ADGRA3: variants seen among roughly 807,000 people sequenced by gnomAD.
ADGRA3 encodes the protein G-protein coupled receptor 125.
ADGRA3 carries 56 observed loss-of-function variants against 119.8 expected under a neutral mutation model. The ratio of observed to expected loss-of-function variants is 0.47; its 90% confidence interval spans 0.38 to 0.58. ADGRA3 has a LOEUF of 0.58. Ranked by LOEUF, ADGRA3 falls within the 20% of genes least tolerant of loss-of-function variation. ADGRA3 has a pLI of 0.00. For missense variants in ADGRA3, 1,516 were observed against 1,649.0 expected (o/e 0.92, Z 1.40); for synonymous variants, 607 against 623.8 (o/e 0.97, Z 0.40).
chr4:22,435,360 T>A lies in ADGRA3; in HGVS notation c.1394A>T (p.Glu465Val). ...SDKMDVIFVA[E>V]MIEKFGRFTK... ...AAATCTTCCAAATTTTTCAATCATT[T>A]CTGCCACAAATATAACATCCATTTT... The change falls in exon 10 of 19, where the codon GAA becomes GTA. Residue 465 changes from glutamate to valine, a missense_variant. Physicochemically the swap from Glu to Val is moderately radical, Grantham distance 121. Transcript: ENST00000334304. 1 of 1,613,666 alleles carries A rather than the reference T, an allele frequency of 6.2e-7. No individual in the cohort carries two copies. The highest frequency in any genetic ancestry group is 8.5e-7 in the Non-Finnish European group (1 of 1,179,646).
Position 22,435,297 on chromosome 4 carries a change from A to G in ADGRA3, c.1443+14T>C. 2 of 1,606,476 alleles carry G rather than the reference A, an allele frequency of 1.2e-6. No homozygotes were observed. The highest frequency in any genetic ancestry group is 8.5e-7 in the Non-Finnish European group (1 of 1,173,704). Reference sequence around the variant, plus strand: ...TTGACACTGTATGCTACAAATCTGAATTTAGAGAAGTACCTCTTTTGATTT... The same window carrying G: ...TTGACACTGTATGCTACAAATCTGAGTTTAGAGAAGTACCTCTTTTGATTT... On this transcript the variant is annotated intron_variant, in intron 10 of 18. Transcript: ENST00000334304.
At chr4:22,408,412 T>G (rs868356708) in intron 14 of ADGRA3, among the ~76,000 whole-genome samples, 1 of 152,212 alleles carries the variant, frequency 6.6e-6, no homozygotes, top group Middle Eastern at 3.4e-3. Flanking sequence ...GGAGCTCATA[T>G]TCAGTACCCA....
intron 1 of ADGRA3, among the ~76,000 whole-genome samples, chr4:22,485,140 G>A (rs1718393708): frequency 6.6e-6 from 1 of 152,064 alleles, no homozygotes; most frequent in Non-Finnish European, 1.5e-5. Flanking sequence ...GGCGTGAAGT[G>A]GTGCCATCTC....
chr4:22,511,899 T>TC (rs1177602053), intron 1 of ADGRA3, among the ~76,000 whole-genome samples: 2 of 136,410 alleles, frequency 1.5e-5, no homozygotes, highest in African/African-American at 5.5e-5. Flanking sequence ...TTCTTTCTTT[T>TC]TTTTTTTTTT....
At chr4:22,439,799 AG>A (rs1223462948) in intron 7 of ADGRA3, among the ~76,000 whole-genome samples, 1 of 152,204 alleles carries the variant, frequency 6.6e-6, no homozygotes, top group East Asian at 1.9e-4. Flanking sequence ...TCCTTAATCC[AG>A]AAGTTCCCAA....
Position 22,388,137 on chromosome 4 carries a change from T to A in ADGRA3, c.3534A>T (p.Gly1178=), listed in dbSNP as rs1310533198. ...SSRHHKNRSK[G]HRASRLTVLR... is the part of the protein sequence containing the mutation. ...GGACTGTGAGTCGGCTTGCCCGGTG[T>A]CCTTTACTTCTGTTTTTATGGTGGC... Residue 1178 remains glycine, a synonymous_variant, in exon 19 of 19, where the codon GGA becomes GGT. Coordinates refer to ENST00000334304, the MANE Select transcript of ADGRA3 (RefSeq NM_145290.4). 4 of 1,614,100 alleles carry A rather than the reference T, an allele frequency of 2.5e-6. No homozygotes were observed. The highest frequency in any genetic ancestry group is 2.5e-6 in the Non-Finnish European group (3 of 1,180,000).
At chr4:22,431,638 T>C (rs1183403281) in intron 10 of ADGRA3, among the ~76,000 whole-genome samples, 5 of 152,204 alleles carry the variant, frequency 3.3e-5, no homozygotes, top group Non-Finnish European at 5.9e-5. Flanking sequence ...GCTCCTCCTT[T>C]GCCTTCTGCC....
At chr4:22,431,131 C>A (rs1267113840) in intron 10 of ADGRA3, among the ~76,000 whole-genome samples, 1 of 152,116 alleles carries the variant, frequency 6.6e-6, no homozygotes, top group Non-Finnish European at 1.5e-5. Context: ...TAGGGGAGTG[C>A]AGAAGGGAAA....
chr4:22,405,999 C>CATTTCCACTCTGGT (rs778634785), intron 14 of ADGRA3, among the ~76,000 whole-genome samples: 102 of 152,216 alleles, frequency 6.7e-4, no homozygotes, highest in Non-Finnish European at 1.1e-3. Flanking sequence ...TGGTATTTTC[C>CATTTCCACTCTGGT]ATTCTCCTTT....
At chr4:22,421,566 C>T (rs1288052800) in intron 11 of ADGRA3, among the ~76,000 whole-genome samples, 1 of 152,140 alleles carries the variant, frequency 6.6e-6, no homozygotes, top group Non-Finnish European at 1.5e-5. Flanking sequence ...ATCATTAACT[C>T]TTTGCATTAA....
chr4:22,449,203 G>T (rs1025505247), intron 4 of ADGRA3, among the ~76,000 whole-genome samples: 16 of 151,906 alleles, frequency 1.1e-4, no homozygotes, highest in African/African-American at 3.9e-4. Context: ...CCGGAAGGCA[G>T]AGGCTGCAGT....
In ADGRA3 at chr4:22,511,895, C is replaced by CTTTTTTTTT. The variant is rs5856700; in HGVS notation, c.257+3624_257+3632dup. On this transcript the variant is annotated intron_variant, in intron 1 of 18. Coordinates refer to ENST00000334304, the MANE Select transcript of ADGRA3 (RefSeq NM_145290.4). ...TTCACAGTTATATTTTTCTTTCTTTCTTTTTTTTTTTTTTTTTTTGAGACA... is the reference window on the plus strand; with the variant it reads ...TTCACAGTTATATTTTTCTTTCTTTCTTTTTTTTTTTTTTTTTTTTTTTTTTTTGAGACA... 1.3e-3 allele frequency among the ~76,000 whole-genome samples: 138 copies of CTTTTTTTTT among 102,612 alleles called. 1 individual carries two copies. Among genetic ancestry groups the CTTTTTTTTT allele is most frequent in the Middle Eastern group, 7.9e-3 (1 of 126 alleles). The allele number at this position is 102,612 out of a possible 152,430, so 67.3% of individuals were successfully genotyped here.
chr4:22,442,640 A>AG lies in ADGRA3; in HGVS notation c.920+9_920+10insC. 6.3e-7 allele frequency: 1 copy of AG among 1,599,206 alleles called. No homozygotes were observed. ...ACAATTCTTCATTCAAAAAAAAAAAAAAAGTTTACCTTGCAATCAAGGAGC... is the reference window on the plus strand; with the variant it reads ...ACAATTCTTCATTCAAAAAAAAAAAAGAAAGTTTACCTTGCAATCAAGGAGC... On this transcript the variant is annotated intron_variant, in intron 7 of 18. Transcript: ENST00000334304.
At chr4:22,402,823 T>C (rs762473991) in intron 14 of ADGRA3, 24 bp from the exon 15 acceptor site, 3 of 1,600,650 alleles carry the variant, frequency 1.9e-6, no homozygotes, top group Non-Finnish European at 2.6e-6. Flanking sequence ...GAAAGATCCA[T>C]TCTAGCAGTA....
At chr4:22,427,415 C>T (rs922562901) in intron 10 of ADGRA3, among the ~76,000 whole-genome samples, 1 of 151,722 alleles carries the variant, frequency 6.6e-6, no homozygotes, top group African/African-American at 2.4e-5. Flanking sequence ...ACTGCTATGC[C>T]CTGCTAGATA....
chr4:22,467,408 C>T (rs141662574), intron 2 of ADGRA3, among the ~76,000 whole-genome samples: 1 of 152,162 alleles, frequency 6.6e-6, no homozygotes, highest in South Asian at 2.1e-4. Context: ...AAAAATTCAA[C>T]CTGTATGTTT....
At chr4:22,443,528 A>C (rs1716708623) in intron 6 of ADGRA3, among the ~76,000 whole-genome samples, 1 of 152,180 alleles carries the variant, frequency 6.6e-6, no homozygotes, top group Non-Finnish European at 1.5e-5. Context: ...AAAATATGCA[A>C]AAATGCATAC....
intron 1 of ADGRA3, among the ~76,000 whole-genome samples, chr4:22,504,062 G>A (rs1371231346): frequency 1.3e-5 from 2 of 151,992 alleles, no homozygotes; most frequent in Non-Finnish European, 2.9e-5. Context: ...ATTCTAAATA[G>A]AATGAAGCCT....
At chr4:22,403,422 G>A (rs549375583) in intron 14 of ADGRA3, among the ~76,000 whole-genome samples, 117 of 152,046 alleles carry the variant, frequency 7.7e-4, no homozygotes, top group African/African-American at 2.7e-3. Flanking sequence ...CAGCAGAGAG[G>A]AAGAGCCCTG....
Sources: gnomAD v4.1 joint callset for allele counts (sites outside exome capture counted in the v4.1 genomes callset) on GRCh38, gnomAD v4.1.1 for gene constraint, MANE v1.5 for transcripts, NCBI Gene and HGNC (gene_info 2026-07-23, HGNC 2026-07-21) for gene names.